Variants in PLPP4 observed in about 807,000 individuals in gnomAD.
The protein encoded by PLPP4 is phospholipid phosphatase 4.
In PLPP4, 20 loss-of-function variants were observed where a neutral mutation model predicts 32.2. The ratio of observed to expected loss-of-function variants is 0.62; its 90% CI spans 0.44 to 0.90. The LOEUF is 0.90. Among genes scored for constraint, PLPP4 ranks in the 40% least tolerant of loss-of-function variants. PLPP4 has a pLI of 0.00. For missense variants in PLPP4, 257 were observed against 353.1 expected (o/e 0.73, Z 2.18); for synonymous variants, 127 against 133.0 (o/e 0.95, Z 0.31).
chr10:120,514,381 T>A (rs2133892998), intron 3 of PLPP4, among the ~76,000 whole-genome samples: 1 of 152,322 alleles, frequency 6.6e-6, no homozygotes, highest in East Asian at 1.9e-4. Flanking sequence ...TTATGGGCAA[T>A]TCAGCAATCA....
chr10:120,513,816 G>A (rs1405950133), intron 2 of PLPP4, 95 bp from the exon 3 acceptor site: 2 of 913,456 alleles, frequency 2.2e-6, no homozygotes, highest in African/African-American at 3.3e-5. Context: ...ATTCAACCAG[G>A]GAGTCTAAAT....
chr10:120,531,642 C>T (rs1846727791), intron 5 of PLPP4, among the ~76,000 whole-genome samples: 1 of 151,816 alleles, frequency 6.6e-6, no homozygotes, highest in Non-Finnish European at 1.5e-5. Flanking sequence ...TCATTTTTTT[C>T]ATATCAGTAT....
rs1343231174 is a variant in PLPP4, at chr10:120,589,479, G to T, written c.793G>T (p.Gly265Trp). 1 of 1,614,002 alleles carries T rather than the reference G, an allele frequency of 6.2e-7. No homozygotes were observed. Among genetic ancestry groups the T allele is most frequent in the Non-Finnish European group, 8.5e-7 (1 of 1,180,040 alleles). Reference protein sequence around the residue: ...ADSAPSLPLEGITEGPV With the variant: ...ADSAPSLPLEWITEGPV ...CAGCGCACCCAGCTTGCCTCTGGAGGGGATCACCGAAGGCCCGGTATGACC... is the reference window on the plus strand; with the variant it reads ...CAGCGCACCCAGCTTGCCTCTGGAGTGGATCACCGAAGGCCCGGTATGACC... Residue 265 changes from glycine to tryptophan, a missense_variant, in exon 7 of 7, where the codon GGG (glycine) becomes TGG (tryptophan). Transcript: ENST00000398250.
chr10:120,574,218 T>TCTCC (rs1849105291), intron 5 of PLPP4, among the ~76,000 whole-genome samples: 7 of 93,906 alleles, frequency 7.5e-5, no homozygotes, highest in Non-Finnish European at 1.2e-4. Flanking sequence ...TCTCTCTCTC[T>TCTCC]CTCTCAGCTC....
intron 1 of PLPP4, among the ~76,000 whole-genome samples, chr10:120,457,848 CA>C (rs979798327): frequency 3.9e-5 from 6 of 152,202 alleles, no homozygotes; most frequent in African/African-American, 1.4e-4. Context: ...AGCGTTTTCC[CA>C]GCGGGCGTTT....
At chr10:120,552,165 G>GGTGT (rs58426120) in intron 5 of PLPP4, among the ~76,000 whole-genome samples, 11,565 of 138,436 alleles carry the variant, frequency 0.084, 550 homozygotes, top group South Asian at 0.1. Flanking sequence ...GTGGTGGTGG[G>GGTGT]GTGTGTGTGT....
chr10:120,512,833 A>G (rs1014395023), intron 2 of PLPP4, among the ~76,000 whole-genome samples: 31 of 152,280 alleles, frequency 2.0e-4, no homozygotes, highest in African/African-American at 7.5e-4. Context: ...AATACATTTA[A>G]AAAAGAAGAG....
intron 1 of PLPP4, among the ~76,000 whole-genome samples, chr10:120,471,449 G>T (rs4752420): frequency 0.77 from 117,376 of 151,756 alleles, 47,579 homozygotes; most frequent in East Asian, 0.93. Context: ...TTCTTAAATT[G>T]TATCTCCTTC....
rs149081124 is a variant in PLPP4, at chr10:120,554,047, G to T, written c.446-21084G>T. ...TTTTTTGTTTCCTACCGCATAGTCA[G>T]GCTGCCAACTTTCTAAATTTTTATG... On this transcript the variant is annotated intron_variant, in intron 5 of 6. Coordinates refer to ENST00000398250, the MANE Select transcript of PLPP4 (RefSeq NM_001030059.3). Among the ~76,000 whole-genome samples the T allele has an allele frequency of 6.3e-3, 965 of 152,246 alleles. 10 individuals carry two copies. Among genetic ancestry groups the T allele is most frequent in the African/African-American group, 0.022 (930 of 41,530 alleles).
intron 5 of PLPP4, among the ~76,000 whole-genome samples, chr10:120,531,087 C>CTTTTTTTTTTTT: frequency 1.0e-5 from 1 of 100,400 alleles, no homozygotes; most frequent in Non-Finnish European, 2.0e-5. Flanking sequence ...CTGTCATTTT[C>CTTTTTTTTTTTT]TTTTTTTTTT....
intron 5 of PLPP4, among the ~76,000 whole-genome samples, chr10:120,564,556 A>G (rs1046952619): frequency 2.0e-5 from 3 of 151,958 alleles, no homozygotes; most frequent in Non-Finnish European, 2.9e-5. Context: ...TGTCAATAGC[A>G]AAGATGTGAA....
chr10:120,501,538 T>C (rs73369297), intron 1 of PLPP4, among the ~76,000 whole-genome samples: 84 of 152,340 alleles, frequency 5.5e-4, no homozygotes, highest in African/African-American at 2.0e-3. Context: ...AAACTGAGGC[T>C]CAGAAAATGT....
At chr10:120,553,523 G>C (rs1848004111) in intron 5 of PLPP4, among the ~76,000 whole-genome samples, 1 of 152,158 alleles carries the variant, frequency 6.6e-6, no homozygotes, top group African/African-American at 2.4e-5. Context: ...AATTTTTGTT[G>C]TTTATAAAGT....
intron 1 of PLPP4, among the ~76,000 whole-genome samples, chr10:120,502,941 C>T (rs1337741782): frequency 6.6e-6 from 1 of 152,150 alleles, no homozygotes; most frequent in African/African-American, 2.4e-5. Context: ...GAAGCCCAAA[C>T]CAGAAGCCTA....
chr10:120,575,054 G>C, intron 5 of PLPP4, 77 bp from the exon 6 acceptor site: 1 of 1,497,102 alleles, frequency 6.7e-7, no homozygotes, highest in Non-Finnish European at 9.1e-7. Context: ...CAAGACGGCA[G>C]ACGGAATGCC....
At chr10:120,482,629 G>A (rs1409556829) in intron 1 of PLPP4, among the ~76,000 whole-genome samples, 1 of 152,134 alleles carries the variant, frequency 6.6e-6, no homozygotes, top group African/African-American at 2.4e-5. Context: ...CTGTCGCCAG[G>A]CGCAGTGGCT....
chr10:120,539,375 G>A (rs1847229817), intron 5 of PLPP4, among the ~76,000 whole-genome samples: 2 of 152,202 alleles, frequency 1.3e-5, no homozygotes, highest in East Asian at 1.9e-4. Context: ...GCCTGTCAAA[G>A]AAGGTCTGGT....
Position 120,589,522 on chromosome 10 carries a change from G to A in PLPP4, c.*20G>A. On this transcript the variant is annotated 3_prime_UTR_variant, in exon 7 of 7. Coordinates refer to ENST00000398250, the MANE Select transcript of PLPP4 (RefSeq NM_001030059.3). ...GTATGACCAGTGTCCTGGGAGGATG[G>A]ACACTAAGCCCTGGGCACATCTGCC... 6.2e-7 allele frequency: 1 copy of A among 1,604,550 alleles called. No individual in the cohort carries two copies. Among genetic ancestry groups the A allele is most frequent in the Non-Finnish European group, 8.5e-7 (1 of 1,172,516 alleles).
chr10:120,494,493 C>T (rs908725778), intron 1 of PLPP4, among the ~76,000 whole-genome samples: 5 of 152,232 alleles, frequency 3.3e-5, no homozygotes, highest in East Asian at 3.9e-4. Context: ...ACATGACTCC[C>T]GGCTCTGCCT....
Sources: gnomAD v4.1 joint callset for allele counts (sites outside exome capture counted in the v4.1 genomes callset) on GRCh38, gnomAD v4.1.1 for gene constraint, MANE v1.5 for transcripts, NCBI Gene and HGNC (gene_info 2026-07-23, HGNC 2026-07-21) for gene names.